Variants in MPHOSPH9 observed in about 807,000 individuals in gnomAD.
MPHOSPH9 encodes M-phase phosphoprotein 9.
In MPHOSPH9, 88 loss-of-function variants were observed where a neutral mutation model predicts 145.5. That is an observed-to-expected ratio of 0.60 (90% confidence interval 0.51 to 0.72). The LOEUF is 0.72. Among genes scored for constraint, MPHOSPH9 ranks in the 30% least tolerant of loss-of-function variants. The pLI is 0.00. For missense variants in MPHOSPH9, 1,238 were observed against 1,386.6 expected (o/e 0.89, Z 1.70); for synonymous variants, 435 against 486.2 (o/e 0.89, Z 1.39).
intron 13 of MPHOSPH9, among the ~76,000 whole-genome samples, chr12:123,186,042 T>A (rs984854586): frequency 1.3e-5 from 2 of 151,786 alleles, no homozygotes; most frequent in African/African-American, 4.8e-5. Context: ...CTGACCAACA[T>A]GGTGAAACCC....
chr12:123,209,166 C>A (rs2046583057), intron 8 of MPHOSPH9, among the ~76,000 whole-genome samples: 1 of 152,094 alleles, frequency 6.6e-6, no homozygotes, highest in Admixed American at 6.6e-5. Flanking sequence ...CTCCCAACCT[C>A]AGGTGATCTG....
chr12:123,165,083 T>G (rs1264909949), intron 18 of MPHOSPH9, among the ~76,000 whole-genome samples: 1 of 151,356 alleles, frequency 6.6e-6, no homozygotes, highest in Admixed American at 6.6e-5. Flanking sequence ...AAGATTCAAC[T>G]GGCTTTGTAC....
chr12:123,213,339 T>C (rs1270520597), intron 7 of MPHOSPH9, among the ~76,000 whole-genome samples: 1 of 151,970 alleles, frequency 6.6e-6, no homozygotes, highest in African/African-American at 2.4e-5. Flanking sequence ...ACTAAATGCA[T>C]TTTCAATTTT....
chr12:123,199,742 G>A (rs1186795949), intron 11 of MPHOSPH9, among the ~76,000 whole-genome samples: 6 of 149,042 alleles, frequency 4.0e-5, no homozygotes, highest in Admixed American at 6.7e-5. Flanking sequence ...GCAGTGAGCC[G>A]AGACAGCACC....
At position 123,174,811 on chromosome 12, in the gene MPHOSPH9, C is replaced by G. The variant is rs1049315493; in HGVS notation, c.2456+1877G>C. Among the ~76,000 whole-genome samples, 6 of 152,316 alleles carry G rather than the reference C, an allele frequency of 3.9e-5. No homozygotes were observed. The East Asian group carries it at 9.6e-4, about 24-fold the overall frequency. ...CAAGATGGAAATTCTGATCTCTTCC[C>G]TAAGTTCAACACATGAACTAGGTAC... On this transcript the variant is annotated intron_variant, in intron 16 of 23. Coordinates refer to ENST00000606320, the MANE Select transcript of MPHOSPH9 (RefSeq NM_022782.4).
In MPHOSPH9 at chr12:123,176,748, T is replaced by C. The variant is rs117480466; in HGVS notation, c.2396A>G (p.His799Arg). ...ATGACGAAGGCTTAACATATTTTCA[T>C]GTTCTACTTGCTTGACCTGAGCTTC... ...KLEAQVKQVE[H>R]ENMLSLRHNS... is the part of the protein sequence containing the mutation. The change falls in exon 16 of 24, where the codon CAT (histidine) becomes CGT (arginine). Residue 799 changes from histidine to arginine, a missense_variant. Physicochemically the swap from His to Arg is conservative, Grantham distance 29. This residue lies in a region of MPHOSPH9 where 8 missense variants were observed against 26.6 expected (regional missense o/e 0.30). Coordinates refer to ENST00000606320, the MANE Select transcript of MPHOSPH9 (RefSeq NM_022782.4). 5,967 of 1,613,960 alleles carry C rather than the reference T, an allele frequency of 3.7e-3. 22 individuals carry two copies. Among genetic ancestry groups the C allele is most frequent in the Non-Finnish European group, 4.3e-3 (5,024 of 1,179,920 alleles).
intron 8 of MPHOSPH9, among the ~76,000 whole-genome samples, chr12:123,207,146 T>TA (rs35392378): frequency 0.53 from 61,150 of 114,434 alleles, 19,013 homozygotes; most frequent in East Asian, 0.69. Context: ...CTAAAGTGGT[T>TA]AAAAAAAAAA....
upstream of MPHOSPH9, among the ~76,000 whole-genome samples, chr12:123,235,408 T>G (rs947672767): frequency 2.0e-5 from 3 of 150,996 alleles, no homozygotes; most frequent in Admixed American, 2.0e-4. Flanking sequence ...GTAGTGAGTT[T>G]TGTGTGTGTG....
At chr12:123,243,537 A>C (rs892814094) in intron 1 of MPHOSPH9, among the ~76,000 whole-genome samples, 1 of 150,802 alleles carries the variant, frequency 6.6e-6, no homozygotes, top group Non-Finnish European at 1.5e-5. Context: ...CTCAAAAAAA[A>C]AAAAAAAAAA....
At chr12:123,174,391 G>C (rs943385996) in intron 16 of MPHOSPH9, among the ~76,000 whole-genome samples, 1 of 68,578 alleles carries the variant, frequency 1.5e-5, no homozygotes, top group Non-Finnish European at 3.9e-5. Flanking sequence ...TTTTTTTTTT[G>C]AGACGGAGTC....
At chr12:123,197,243 C>T (rs771741337) in intron 12 of MPHOSPH9, among the ~76,000 whole-genome samples, 2 of 151,724 alleles carry the variant, frequency 1.3e-5, no homozygotes, top group East Asian at 2.0e-4. Context: ...AGTGCTGTGG[C>T]GCAATCATGA....
intron 3 of MPHOSPH9, among the ~76,000 whole-genome samples, chr12:123,224,110 T>TTATATATATATATA (rs147637276): frequency 8.3e-6 from 1 of 120,392 alleles, no homozygotes; most frequent in Non-Finnish European, 1.6e-5. Context: ...AATTGCTAAT[T>TTATATATATATATA]TATATATATA....
intron 16 of MPHOSPH9, among the ~76,000 whole-genome samples, chr12:123,176,415 C>T (rs929973033): frequency 6.6e-6 from 1 of 152,008 alleles, no homozygotes; most frequent in African/African-American, 2.4e-5. Flanking sequence ...AAAATGAATT[C>T]CAAAAAAGGT....
intron 8 of MPHOSPH9, among the ~76,000 whole-genome samples, chr12:123,209,745 T>TC (rs1268392594): frequency 6.7e-6 from 1 of 148,908 alleles, no homozygotes; most frequent in Non-Finnish European, 1.5e-5. Context: ...TTGTTTTTTT[T>TC]TTTTTTTTTG....
chr12:123,165,326 T>C lies in MPHOSPH9; in HGVS notation c.2743A>G (p.Thr915Ala). The C allele has an allele frequency of 6.2e-7, 1 of 1,613,966 alleles. No homozygotes were observed. The highest frequency in any genetic ancestry group is 8.5e-7 in the Non-Finnish European group (1 of 1,179,908). ...GKIFKNWGTQ[T>A]EKEDTSNINP... Reference sequence around the variant, plus strand: ...CTATTTGAGGTGTCCTCTTTCTCTGTCTGTGTCCCCCAATTTTTAAATATT... The same window carrying C: ...CTATTTGAGGTGTCCTCTTTCTCTGCCTGTGTCCCCCAATTTTTAAATATT... Residue 915 changes from threonine (T) to alanine (A), a missense_variant, in exon 18 of 24, where the codon ACA (threonine) becomes GCA (alanine). Thr to Ala is a moderately conservative substitution (Grantham distance 58). Around this residue, in one of 3 missense-constraint regions of MPHOSPH9, gnomAD observed 393 missense variants for 462.5 expected, o/e 0.85. Coordinates refer to ENST00000606320, the MANE Select transcript of MPHOSPH9 (RefSeq NM_022782.4).
At position 123,221,540 on chromosome 12, in the gene MPHOSPH9, G is replaced by C; in HGVS notation, c.704C>G (p.Pro235Arg). The change falls in exon 5 of 24, where the codon CCG becomes CGG. Residue 235 changes from proline to arginine, a missense_variant. Physicochemically the swap from Pro to Arg is moderately radical, Grantham distance 103 (BLOSUM62 -2). This residue lies in a region of MPHOSPH9 where 837 missense variants were observed against 897.5 expected (regional missense o/e 0.93). Coordinates refer to ENST00000606320, the MANE Select transcript of MPHOSPH9 (RefSeq NM_022782.4). The stretch of plus-strand genomic sequence containing the variant: ...CACACCATCTACAAGTGACTCAGCC[G>C]GCACCGCAGGTGCTACATACTGTCC... ...PKGQYVAPAV[P>R]AESLVDGVKN... The C allele has an allele frequency of 6.2e-7, 1 of 1,614,112 alleles. No homozygotes were observed. Among genetic ancestry groups the C allele is most frequent in the South Asian group, 1.1e-5 (1 of 91,080 alleles).
intron 3 of MPHOSPH9, among the ~76,000 whole-genome samples, chr12:123,226,521 CT>C (rs200868180): frequency 0.029 from 4,154 of 144,778 alleles, 226 homozygotes; most frequent in East Asian, 0.27. Flanking sequence ...TTTATATATA[CT>C]TTTTTTTTTT....
chr12:123,209,737 G>GTTTTTTT (rs531113020), intron 8 of MPHOSPH9, among the ~76,000 whole-genome samples: 1 of 123,682 alleles, frequency 8.1e-6, no homozygotes. Context: ...TTGTTTTGTT[G>GTTTTTTT]TTTTTTTTTT....
At chr12:123,203,843 C>T (rs900191482) in intron 8 of MPHOSPH9, among the ~76,000 whole-genome samples, 1 of 152,012 alleles carries the variant, frequency 6.6e-6, no homozygotes, top group African/African-American at 2.4e-5. Context: ...AAGACCACGC[C>T]CAGCTAATTT....
Sources: allele counts gnomAD v4.1 joint callset (sites outside exome capture counted in the v4.1 genomes callset), GRCh38; gene constraint gnomAD v4.1.1; regional missense constraint gnomAD v4.1.1; transcripts MANE v1.5; gene names NCBI Gene and HGNC (gene_info 2026-07-23, HGNC 2026-07-21).